VRTN: variants seen among roughly 807,000 people sequenced by gnomAD.
The protein encoded by VRTN is vertebrae development associated, also known as vertnin.
Under a neutral mutation model 18.2 loss-of-function variants are expected in VRTN, and 5 were observed. The ratio of observed to expected loss-of-function variants is 0.27; its 90% confidence interval spans 0.14 to 0.58. The LOEUF (loss-of-function observed/expected upper bound fraction) is 0.58. Among genes scored for constraint, VRTN ranks in the 20% least tolerant of loss-of-function variants. The probability of loss-of-function intolerance (pLI) is 0.91; values close to 1 mark genes in which losing one functional copy is unlikely to be tolerated. For synonymous variants in VRTN, 381 were observed against 393.7 expected, an observed-to-expected ratio of 0.97 and a Z score of 0.38; for missense variants, 741 against 939.4, an observed-to-expected ratio of 0.79 and a Z score of 2.76.
At position 74,357,674 on chromosome 14, in the gene VRTN, C is replaced by T. The variant is rs2085740420; in HGVS notation, c.891C>T (p.Tyr297=). The change falls in exon 2 of 2, where the codon TAC becomes TAT. Residue 297 remains tyrosine (Y), a synonymous_variant. Coordinates refer to ENST00000256362, the MANE Select transcript of VRTN (RefSeq NM_018228.3). The surrounding 1 kb of genome is among the most constrained non-coding windows in gnomAD (Gnocchi z 7.8). ...ACAGCGTCACCAAAAGCACCTTCTA[C>T]CGCTGGCGGCGGCAGTCCCAGGAGC... ...ERYSVTKSTF[Y]RWRRQSQEHR... is the part of the protein sequence containing the mutation. The T allele has an allele frequency of 6.2e-7, 1 of 1,613,612 alleles. No homozygotes were observed. Among genetic ancestry groups the T allele is most frequent in the Non-Finnish European group, 8.5e-7 (1 of 1,179,992 alleles).
At position 74,358,563 on chromosome 14, in the gene VRTN, G is replaced by A. The variant is rs1421383960; in HGVS notation, c.1780G>A (p.Ala594Thr). ...AGCTGTGATGGCCCCACCTGTGGGGGCTTCTTCAGAAGATGTAGAGGGAGG... is the reference window on the plus strand; with the variant it reads ...AGCTGTGATGGCCCCACCTGTGGGGACTTCTTCAGAAGATGTAGAGGGAGG... ...VTAVMAPPVG[A>T]SSEDVEGGPS... The change falls in exon 2 of 2, where the codon GCT becomes ACT. Residue 594 changes from alanine to threonine, a missense_variant. Physicochemically the swap from Ala to Thr is moderately conservative, Grantham distance 58 (BLOSUM62 0). Transcript: ENST00000256362. The surrounding 1 kb of genome is among the most constrained non-coding windows in gnomAD (Gnocchi z 5.4). 4 of 1,608,060 alleles carry A rather than the reference G, an allele frequency of 2.5e-6. No individual in the cohort carries two copies. Among genetic ancestry groups the A allele is most frequent in the South Asian group, 2.2e-5 (2 of 90,272 alleles).
rs573431641 is a variant in VRTN, at chr14:74,319,474, A to G, written c.-164+16298A>G. ...GGCCCTCTGCTCTACCAACTGAGCT[A>G]TCAAAGACCCCGCTTCAAGTGCAAC... On this transcript the variant is annotated intron_variant, in intron 1 of 2. Coordinates refer to the VRTN transcript ENST00000557177. Among the ~76,000 whole-genome samples, 7 of 152,358 alleles carry G rather than the reference A, an allele frequency of 4.6e-5. No individual in the cohort carries two copies. In the South Asian group the frequency reaches 1.4e-3, roughly 32 times the overall value.
chr14:74,357,615 C>A lies in VRTN; in HGVS notation c.832C>A (p.Pro278Thr), dbSNP rs1439113206. 6.2e-7 allele frequency: 1 copy of A among 1,613,936 alleles called. No homozygotes were observed. Among genetic ancestry groups the A allele is most frequent in the African/African-American group, 1.3e-5 (1 of 74,946 alleles). ...AKTLELLNRE[P>T]GLSYSHLCER... is the part of the protein sequence containing the mutation. Reference sequence around the variant, plus strand: ...GACCCTGGAGCTGCTCAACCGTGAACCTGGCCTCAGCTACTCTCACCTCTG... The same window carrying A: ...GACCCTGGAGCTGCTCAACCGTGAAACTGGCCTCAGCTACTCTCACCTCTG... The change falls in exon 2 of 2, where the codon CCT (proline) becomes ACT (threonine). Residue 278 changes from proline (P) to threonine (T), a missense_variant. Physicochemically the swap from Pro to Thr is conservative, Grantham distance 38 (BLOSUM62 -1). Transcript: ENST00000256362. The surrounding 1 kb of genome is among the most constrained non-coding windows in gnomAD (Gnocchi z 7.8).
chr14:74,312,182 C>T (rs2085392562), intron 1 of VRTN, among the ~76,000 whole-genome samples: 1 of 152,198 alleles, frequency 6.6e-6, no homozygotes, highest in African/African-American at 2.4e-5. Flanking sequence ...AACTATATAT[C>T]TAGTTTCCTA....
intron 1 of VRTN, among the ~76,000 whole-genome samples, chr14:74,336,714 G>C (rs1287256242): frequency 6.6e-6 from 1 of 150,402 alleles, no homozygotes; most frequent in Non-Finnish European, 1.5e-5. Context: ...TGGAGGTTGC[G>C]GTCAGTTGAG....
chr14:74,308,076 A>T (rs766394715), intron 1 of VRTN, among the ~76,000 whole-genome samples: 3 of 152,066 alleles, frequency 2.0e-5, no homozygotes, highest in Non-Finnish European at 4.4e-5. Context: ...ACTGTGATCG[A>T]TGTTTTCTTT....
At chr14:74,353,279 A>G (rs2085699157) in intron 1 of VRTN, among the ~76,000 whole-genome samples, 1 of 152,100 alleles carries the variant, frequency 6.6e-6, no homozygotes, top group Non-Finnish European at 1.5e-5. Context: ...ATAGAGTGAG[A>G]TTCTGTCTCA....
chr14:74,356,032 A>G (rs905261179), intron 1 of VRTN, among the ~76,000 whole-genome samples: 1 of 151,932 alleles, frequency 6.6e-6, no homozygotes, highest in African/African-American at 2.4e-5. Context: ...GGGTTTTGCC[A>G]TGTTGCTCAG....
intron 1 of VRTN, among the ~76,000 whole-genome samples, chr14:74,321,693 G>A (rs1486466462): frequency 1.3e-5 from 2 of 151,838 alleles, no homozygotes; most frequent in African/African-American, 2.4e-5. Flanking sequence ...TAGTAGAGGC[G>A]GGGTTTCCCC....
At chr14:74,338,064 ATTC>A (rs1362455249) in intron 2 of VRTN, among the ~76,000 whole-genome samples, 1 of 152,184 alleles carries the variant, frequency 6.6e-6, no homozygotes, top group African/African-American at 2.4e-5. Flanking sequence ...TGCCATATAT[ATTC>A]TTTTTTCTGA....
Position 74,303,843 on chromosome 14 carries a change from A to ATTT in VRTN, c.-164+690_-164+692dup, listed in dbSNP as rs67822776. 9.0e-3 allele frequency among the ~76,000 whole-genome samples: 792 copies of ATTT among 88,448 alleles called. 24 individuals are homozygous for ATTT. The highest frequency in any genetic ancestry group is 0.051 in the Admixed American group (373 of 7,344). The allele number at this position is 88,448 out of a possible 152,430, so 58.0% of individuals were successfully genotyped here. A position where few individuals can be genotyped will look rare whatever the true frequency, so the allele number is the denominator to read the frequency against. ...TAGGTCAATCAGTTGACAATTACAGATTTTTTTTTTTTTTTTTTTTTTTTT... is the reference window on the plus strand; with the variant it reads ...TAGGTCAATCAGTTGACAATTACAGATTTTTTTTTTTTTTTTTTTTTTTTTTTT... On this transcript the variant is annotated intron_variant, in intron 1 of 2. Transcript: ENST00000557177.
chr14:74,326,386 A>G (rs1467226364), intron 1 of VRTN, among the ~76,000 whole-genome samples: 1 of 152,152 alleles, frequency 6.6e-6, no homozygotes, highest in African/African-American at 2.4e-5. Flanking sequence ...TGGAACGCCA[A>G]TTGGGGGCTA....
At chr14:74,329,955 C>T (rs1168068567) in intron 1 of VRTN, among the ~76,000 whole-genome samples, 1 of 151,660 alleles carries the variant, frequency 6.6e-6, no homozygotes, top group Non-Finnish European at 1.5e-5. Context: ...TCACTGCAAC[C>T]TCTGCCTCCC....
At chr14:74,314,077 C>T (rs899220519) in intron 1 of VRTN, among the ~76,000 whole-genome samples, 41 of 152,248 alleles carry the variant, frequency 2.7e-4, no homozygotes, top group African/African-American at 8.4e-4. Flanking sequence ...GGCCACCACT[C>T]CTATAACAAA....
upstream of VRTN, among the ~76,000 whole-genome samples, chr14:74,345,339 C>T (rs2085636519): frequency 6.7e-6 from 1 of 148,510 alleles, no homozygotes; most frequent in African/African-American, 2.5e-5. Flanking sequence ...GCCACTGCAC[C>T]CTGCCTATTT....
At position 74,359,109 on chromosome 14, in the gene VRTN, T is replaced by G. The variant is rs975843035; in HGVS notation, c.*217T>G. The G allele has an allele frequency of 3.4e-6, 3 of 876,584 alleles. No individual in the cohort carries two copies. The African/African-American group carries it at 5.1e-5, about 15-fold the overall frequency. The allele number at this position is 876,584 out of a possible 1,614,324, so 54.3% of individuals were successfully genotyped here. On this transcript the variant is annotated 3_prime_UTR_variant, in exon 2 of 2. Coordinates refer to ENST00000256362, the MANE Select transcript of VRTN (RefSeq NM_018228.3). The stretch of plus-strand genomic sequence containing the variant: ...CCGTAGGAAACTGTGGGACCAGAGA[T>G]ATCCTCTTTCGTTGTTTGCTGGTCA...
Position 74,357,476 on chromosome 14 carries a change from C to T in VRTN, c.693C>T (p.Phe231=). 1.2e-6 allele frequency: 2 copies of T among 1,612,288 alleles called. No homozygotes were observed. ...MWAGQPLTSH[F]FRHQYFAPVV... is the part of the protein sequence containing the mutation. ...CTGGCCAGCCCCTCACCAGCCACTT[C>T]TTCCGCCACCAGTACTTTGCCCCTG... Residue 231 remains phenylalanine (F), a synonymous_variant, in exon 2 of 2, where the codon TTC becomes TTT. Transcript: ENST00000256362. The surrounding 1 kb of genome is among the most constrained non-coding windows in gnomAD (Gnocchi z 7.8).
At chr14:74,308,249 C>A (rs2085367258) in intron 1 of VRTN, among the ~76,000 whole-genome samples, 1 of 151,998 alleles carries the variant, frequency 6.6e-6, no homozygotes. Context: ...ACCCCCATCT[C>A]TACAAAAAAA....
At chr14:74,340,287 T>A (rs1031939280) in intron 2 of VRTN, among the ~76,000 whole-genome samples, 1 of 152,174 alleles carries the variant, frequency 6.6e-6, no homozygotes, top group Non-Finnish European at 1.5e-5. Flanking sequence ...TAATTTTGTA[T>A]TTTTAGTAGA....
Sources: gnomAD v4.1 joint callset for allele counts (sites outside exome capture counted in the v4.1 genomes callset) on GRCh38, gnomAD v4.1.1 for gene constraint, Gnocchi (gnomAD v3.1) non-coding constraint, MANE v1.5 for transcripts, NCBI Gene and HGNC (gene_info 2026-07-23, HGNC 2026-07-21) for gene names.